IQCB1: variants seen among roughly 807,000 people sequenced by gnomAD.
IQCB1 encodes IQ calmodulin-binding motif-containing protein 1.
IQCB1 carries 56 observed loss-of-function variants against 84.4 expected under a neutral mutation model. The ratio of observed to expected loss-of-function variants is 0.66; its 90% CI spans 0.54 to 0.83. The LOEUF is 0.83. Ranked by LOEUF, IQCB1 falls within the 40% of genes least tolerant of loss-of-function variation. The pLI, the probability that IQCB1 is intolerant of heterozygous loss-of-function variation, is 0.00. For missense variants in IQCB1, 629 were observed against 682.1 expected (o/e 0.92, Z 0.87); for synonymous variants, 210 against 234.8 (o/e 0.89, Z 0.96).
chr3:121,834,401 G>A lies in IQCB1; in HGVS notation c.-23C>T, dbSNP rs1193896979. 1 of 152,196 alleles carries A rather than the reference G, an allele frequency of 6.6e-6. No homozygotes were observed. The highest frequency in any genetic ancestry group is 2.1e-4 in the South Asian group (1 of 4,828). 9.4% of individuals were successfully genotyped at this position (152,196 alleles called of 1,614,324 possible). A position where few individuals can be genotyped will look rare whatever the true frequency, so the allele number is the denominator to read the frequency against. On this transcript the variant is annotated 5_prime_UTR_variant, in exon 2 of 15. Coordinates refer to ENST00000310864, the MANE Select transcript of IQCB1 (RefSeq NM_001023570.4). ...TTTTAAGGCTACTACCCTGTTGCCAGGCCACCGGGTCCGGCCCAGCCTTGA... is the reference window on the plus strand; with the variant it reads ...TTTTAAGGCTACTACCCTGTTGCCAAGCCACCGGGTCCGGCCCAGCCTTGA...
intron 10 of IQCB1, among the ~76,000 whole-genome samples, chr3:121,793,789 G>A (rs1949080989): frequency 6.6e-6 from 1 of 151,990 alleles, no homozygotes; most frequent in African/African-American, 2.4e-5. Context: ...TTAAAATAAT[G>A]GAATATTAGA....
At chr3:121,799,108 TTAAAATA>T in intron 8 of IQCB1, 81 bp downstream of exon 8, 1 of 982,586 alleles carries the variant, frequency 1.0e-6, no homozygotes, top group East Asian at 2.6e-5. Context: ...TATCAACTCT[TTAAAATA>T]TAAGAATTTT....
chr3:121,807,947 T>G (rs1255713470), intron 6 of IQCB1, among the ~76,000 whole-genome samples: 1 of 151,998 alleles, frequency 6.6e-6, no homozygotes, highest in Non-Finnish European at 1.5e-5. Flanking sequence ...AGCAGCCAGT[T>G]ATAACGATTT....
chr3:121,826,861 T>G (rs1288473857), intron 4 of IQCB1, among the ~76,000 whole-genome samples: 1 of 152,014 alleles, frequency 6.6e-6, no homozygotes, highest in African/African-American at 2.4e-5. Context: ...AAACTAACAT[T>G]CAAAAGAGCC....
intron 5 of IQCB1, among the ~76,000 whole-genome samples, chr3:121,817,847 A>C (rs1042508645): frequency 6.6e-6 from 1 of 152,018 alleles, no homozygotes; most frequent in Admixed American, 6.6e-5. Context: ...AAAGAAAGAA[A>C]GAAGGAAAAG....
chr3:121,803,523 AAT>A (rs1291279345), intron 7 of IQCB1, among the ~76,000 whole-genome samples: 1 of 86,690 alleles, frequency 1.2e-5, no homozygotes, highest in Non-Finnish European at 2.4e-5. Context: ...TGGTCATACT[AAT>A]TTTTTTGTCT....
Position 121,785,364 on chromosome 3 carries a change from C to T in IQCB1, c.1278+2920G>A, listed in dbSNP as rs564315533. Among the ~76,000 whole-genome samples the T allele has an allele frequency of 2.6e-5, 4 of 151,970 alleles. No homozygotes were observed. In the South Asian group the frequency reaches 8.3e-4, roughly 32 times the overall value. ...ACTTCCCAGGCTCAGGTGATTTTCC[C>T]CCACTTCAGTTTTCAGAGTAGCTGG... On this transcript the variant is annotated intron_variant, in intron 12 of 14. Coordinates refer to ENST00000310864, the MANE Select transcript of IQCB1 (RefSeq NM_001023570.4).
At chr3:121,828,104 CAT>C (rs1343356028) in intron 4 of IQCB1, among the ~76,000 whole-genome samples, 1 of 152,062 alleles carries the variant, frequency 6.6e-6, no homozygotes, top group Non-Finnish European at 1.5e-5. Flanking sequence ...TGCTTTGTAT[CAT>C]ATACTTACAT....
intron 5 of IQCB1, among the ~76,000 whole-genome samples, chr3:121,810,785 G>A (rs1419780605): frequency 6.6e-6 from 1 of 152,104 alleles, no homozygotes; most frequent in Non-Finnish European, 1.5e-5. Flanking sequence ...GTTAGTTTGT[G>A]GCACAGCCAG....
At chr3:121,797,254 C>T in intron 8 of IQCB1, 27 bp from the exon 9 acceptor site, 1 of 985,112 alleles carries the variant, frequency 1.0e-6, no homozygotes. Flanking sequence ...AAAGGTACAA[C>T]TATTATTATA....
intron 5 of IQCB1, among the ~76,000 whole-genome samples, chr3:121,824,514 A>T (rs1950392869): frequency 6.6e-6 from 1 of 152,022 alleles, no homozygotes; most frequent in Non-Finnish European, 1.5e-5. Flanking sequence ...AGAAAACTGG[A>T]GTGGCAATAT....
At chr3:121,809,193 T>G (rs1466389388) in intron 5 of IQCB1, among the ~76,000 whole-genome samples, 184 bp from the exon 6 acceptor site, 2 of 151,878 alleles carry the variant, frequency 1.3e-5, no homozygotes, top group Non-Finnish European at 2.9e-5. Flanking sequence ...TACAGGATAG[T>G]AATATCTACT....
chr3:121,831,976 C>T (rs1013480043), intron 2 of IQCB1, among the ~76,000 whole-genome samples: 1 of 152,214 alleles, frequency 6.6e-6, no homozygotes, highest in Non-Finnish European at 1.5e-5. Flanking sequence ...ATCACCTCTA[C>T]TGGAGGTCAC....
intron 12 of IQCB1, among the ~76,000 whole-genome samples, chr3:121,786,710 TAAAAGCC>T (rs899464898): frequency 6.6e-6 from 1 of 152,168 alleles, no homozygotes; most frequent in African/African-American, 2.4e-5. Context: ...ATGGAAAGTA[TAAAAGCC>T]AAAACAACTT....
chr3:121,799,557 G>A (rs1949328513), intron 7 of IQCB1, among the ~76,000 whole-genome samples, 183 bp from the exon 8 acceptor site: 1 of 151,758 alleles, frequency 6.6e-6, no homozygotes, highest in African/African-American at 2.4e-5. Context: ...AATATTTATT[G>A]AATTCCTACT....
intron 12 of IQCB1, among the ~76,000 whole-genome samples, chr3:121,787,751 A>T (rs76154896): frequency 5.0e-4 from 24 of 48,482 alleles, no homozygotes; most frequent in African/African-American, 2.1e-3. Flanking sequence ...ATCCGTCTCA[A>T]AAAAAAAAAA....
chr3:121,801,490 TATC>T (rs1323852278), intron 7 of IQCB1, among the ~76,000 whole-genome samples: 3 of 152,096 alleles, frequency 2.0e-5, no homozygotes, highest in Admixed American at 6.6e-5. Flanking sequence ...GAAAACTTGG[TATC>T]ATATCTGACT....
chr3:121,773,185 G>A (rs1239842393), intron 13 of IQCB1, among the ~76,000 whole-genome samples: 9 of 151,998 alleles, frequency 5.9e-5, no homozygotes, highest in Non-Finnish European at 1.5e-5. Flanking sequence ...ATGATGGTGG[G>A]TGCCTGTAAT....
chr3:121,823,196 AAAC>A (rs3045646), intron 5 of IQCB1, among the ~76,000 whole-genome samples: 4 of 151,502 alleles, frequency 2.6e-5, no homozygotes, highest in Non-Finnish European at 5.9e-5. Flanking sequence ...AAACTGAAGT[AAAC>A]AACAACAAGA....
Sources: gnomAD v4.1 joint callset for allele counts (sites outside exome capture counted in the v4.1 genomes callset) on GRCh38, gnomAD v4.1.1 for gene constraint, MANE v1.5 for transcripts, NCBI Gene and HGNC (gene_info 2026-07-23, HGNC 2026-07-21) for gene names.